TENM4: variants seen among roughly 807,000 people sequenced by gnomAD.
The protein encoded by TENM4 is teneurin transmembrane protein 4, also known as teneurin-4.
TENM4 carries 82 observed loss-of-function variants against 243.3 expected under a neutral mutation model. The observed-to-expected ratio is 0.34, with a 90% confidence interval of 0.28 to 0.40. The LOEUF (loss-of-function observed/expected upper bound fraction) is 0.40. Among genes scored for constraint, TENM4 ranks in the 10% least tolerant of loss-of-function variants. The pLI is 1.00. For synonymous variants in TENM4, 1,412 were observed against 1,456.3 expected (o/e 0.97, Z 0.69); for missense variants, 3,138 against 3,673.3 (o/e 0.85, Z 3.77).
chr11:79,145,198 G>C (rs1020333886), intron 4 of TENM4, among the ~76,000 whole-genome samples: 18 of 152,026 alleles, frequency 1.2e-4, no homozygotes, highest in African/African-American at 3.1e-4. Context: ...CTTATGACCT[G>C]CTATATTTTC....
chr11:78,818,821 G>C (rs939276147), intron 12 of TENM4, among the ~76,000 whole-genome samples: 1 of 152,120 alleles, frequency 6.6e-6, no homozygotes, highest in African/African-American at 2.4e-5. Flanking sequence ...TTAGCAGAAG[G>C]TGTGCCTTTA....
intron 17 of TENM4, among the ~76,000 whole-genome samples, chr11:78,774,932 C>G (rs1856711447): frequency 5.3e-5 from 8 of 152,160 alleles, no homozygotes; most frequent in Admixed American, 5.2e-4. Flanking sequence ...TTATACCATA[C>G]TTTGTTCCAG....
At chr11:78,804,715 T>G (rs1332340208) in intron 15 of TENM4, among the ~76,000 whole-genome samples, 2 of 152,140 alleles carry the variant, frequency 1.3e-5, no homozygotes, top group Non-Finnish European at 2.9e-5. Context: ...ATTGAGCAGG[T>G]GCTGTGGGTC....
At chr11:79,089,508 A>C (rs1262226553) in intron 4 of TENM4, among the ~76,000 whole-genome samples, 1 of 152,170 alleles carries the variant, frequency 6.6e-6, no homozygotes, top group African/African-American at 2.4e-5. Context: ...CACCAGAGGG[A>C]AGTGCCCAGT....
At chr11:79,061,143 G>A (rs56687921) in intron 6 of TENM4, among the ~76,000 whole-genome samples, 9,515 of 152,206 alleles carry the variant, frequency 0.063, 410 homozygotes, top group East Asian at 0.19. Context: ...AGTTTCCTCC[G>A]CTATAAGTTG....
At chr11:79,152,539 A>G (rs772265763) in intron 3 of TENM4, among the ~76,000 whole-genome samples, 2 of 152,240 alleles carry the variant, frequency 1.3e-5, no homozygotes, top group Admixed American at 6.5e-5. Flanking sequence ...TACAGCGTCT[A>G]GAACTTTAGC....
At chr11:79,245,648 G>T (rs1209825079) in intron 2 of TENM4, among the ~76,000 whole-genome samples, 2 of 152,112 alleles carry the variant, frequency 1.3e-5, no homozygotes, top group African/African-American at 2.4e-5. Flanking sequence ...GATAGAAAAA[G>T]AAAACAATTG....
Position 78,722,875 on chromosome 11 carries a change from T to C in TENM4, c.3593A>G (p.Gln1198Arg). The C allele has an allele frequency of 6.2e-7, 1 of 1,614,058 alleles. No homozygotes were observed. The highest frequency in any genetic ancestry group is 8.5e-7 in the Non-Finnish European group (1 of 1,179,890). ...KGNGENQFVSQQPPVIGSIMG... is the reference protein window; with the variant it reads ...KGNGENQFVSRQPPVIGSIMG... ...GATGCTCCCAATGACAGGAGGCTGC[T>C]GAGACACAAACTGGTTCTCCCCATT... The change falls in exon 24 of 34, where the codon CAG becomes CGG. Residue 1198 changes from glutamine (Q) to arginine (R), a missense_variant. By Grantham distance (43) the Gln-to-Arg change is conservative. This residue lies in a region of TENM4 where 2,467 missense variants were observed against 3,059.1 expected (regional missense o/e 0.81). Coordinates refer to ENST00000278550, the MANE Select transcript of TENM4 (RefSeq NM_001098816.3).
At position 79,212,311 on chromosome 11, in the gene TENM4, T is replaced by C. The variant is rs147658316; in HGVS notation, c.-163+3497A>G. ...GAGCTGTTCCATCCTTAAAGGTCTT[T>C]AGCACCCATTTTCTTGTCACCAAGG... On this transcript the variant is annotated intron_variant, in intron 3 of 33. Coordinates refer to ENST00000278550, the MANE Select transcript of TENM4 (RefSeq NM_001098816.3). Among the ~76,000 whole-genome samples, 692 of 152,326 alleles carry C rather than the reference T, an allele frequency of 4.5e-3. 5 individuals carry two copies. Among genetic ancestry groups the C allele is most frequent in the African/African-American group, 0.015 (626 of 41,580 alleles).
intron 1 of TENM4, among the ~76,000 whole-genome samples, chr11:79,412,220 C>T (rs1858715650): frequency 6.6e-6 from 1 of 152,210 alleles, no homozygotes. Flanking sequence ...GAAGCATCCG[C>T]ATCACTGAAA....
chr11:78,750,185 G>C (rs1482346891), intron 19 of TENM4, among the ~76,000 whole-genome samples: 3 of 152,192 alleles, frequency 2.0e-5, no homozygotes, highest in Admixed American at 1.3e-4. Flanking sequence ...AGCTTATCCA[G>C]TAGTTCATGC....
At chr11:78,789,476 T>C (rs1857009210) in intron 15 of TENM4, among the ~76,000 whole-genome samples, 1 of 152,222 alleles carries the variant, frequency 6.6e-6, no homozygotes, top group African/African-American at 2.4e-5. Context: ...CCATTTCTTC[T>C]GTACAACATT....
At chr11:78,705,212 A>G (rs1046526185) in intron 27 of TENM4, among the ~76,000 whole-genome samples, 2 of 152,188 alleles carry the variant, frequency 1.3e-5, no homozygotes, top group African/African-American at 4.8e-5. Context: ...CTGCTTGTGG[A>G]GACCTTTCTG....
chr11:79,232,509 G>A (rs569056141), intron 2 of TENM4, among the ~76,000 whole-genome samples: 1 of 152,318 alleles, frequency 6.6e-6, no homozygotes, highest in South Asian at 2.1e-4. Flanking sequence ...GCAGGAGGTG[G>A]CAGCTGGCCC....
At chr11:79,352,738 A>G (rs897894043) in intron 1 of TENM4, among the ~76,000 whole-genome samples, 1 of 152,136 alleles carries the variant, frequency 6.6e-6, no homozygotes, top group Admixed American at 6.5e-5. Flanking sequence ...TTCCAAAGGG[A>G]AGAAAAAGGA....
chr11:79,329,003 G>C lies in TENM4; in HGVS notation c.-320-31460C>G, dbSNP rs55687217. Among the ~76,000 whole-genome samples, 1,167 of 152,270 alleles carry C rather than the reference G, an allele frequency of 7.7e-3. 18 individuals carry two copies. Among genetic ancestry groups the C allele is most frequent in the African/African-American group, 0.026 (1,082 of 41,558 alleles). ...TCTCTACAAAACTGTCCTTCTAGCT[G>C]GCAGAGAACCATCCCAACTGACCTG... is the stretch of plus-strand genomic sequence containing the variant. On this transcript the variant is annotated intron_variant, in intron 1 of 33. Transcript: ENST00000278550.
At chr11:78,938,789 G>C (rs1856835363) in intron 6 of TENM4, among the ~76,000 whole-genome samples, 1 of 152,120 alleles carries the variant, frequency 6.6e-6, no homozygotes, top group Non-Finnish European at 1.5e-5. Flanking sequence ...CTAGCACTTT[G>C]TCAGATTTAT....
At chr11:79,333,141 G>C (rs1402429993) in intron 1 of TENM4, among the ~76,000 whole-genome samples, 1 of 152,152 alleles carries the variant, frequency 6.6e-6, no homozygotes, top group Non-Finnish European at 1.5e-5. Flanking sequence ...GATGTTCGGG[G>C]AGACTGAGTA....
intron 4 of TENM4, among the ~76,000 whole-genome samples, chr11:79,121,438 C>T (rs1243490564): frequency 6.6e-6 from 1 of 152,166 alleles, no homozygotes; most frequent in African/African-American, 2.4e-5. Context: ...AAACCCCTGA[C>T]ACATGGGAAG....
Sources: gnomAD v4.1 joint callset for allele counts (sites outside exome capture counted in the v4.1 genomes callset) on GRCh38, gnomAD v4.1.1 for gene constraint, gnomAD v4.1.1 regional missense constraint, MANE v1.5 for transcripts, NCBI Gene and HGNC (gene_info 2026-07-23, HGNC 2026-07-21) for gene names.